The following GDA variants were observed in gnomAD, a reference collection of about 807,000 sequenced individuals.
GDA encodes the protein cytoplasmic PSD-95 interactor.
GDA carries 18 observed loss-of-function variants against 59.6 expected under a neutral mutation model. The observed-to-expected ratio is 0.30, with a 90% CI of 0.21 to 0.45. The LOEUF (loss-of-function observed/expected upper bound fraction) is 0.45. Among genes scored for constraint, GDA ranks in the 20% least tolerant of loss-of-function variants. The pLI is 1.00. For missense variants in GDA, 427 were observed against 552.3 expected (o/e 0.77, Z 2.27); for synonymous variants, 201 against 201.1 (o/e 1.00, Z 0.00).
intron 5 of GDA, among the ~76,000 whole-genome samples, chr9:72,216,992 T>C (rs1044459875): frequency 6.6e-6 from 1 of 152,092 alleles, no homozygotes; most frequent in Non-Finnish European, 1.5e-5. Flanking sequence ...AGCTATTAAC[T>C]AAATGGGCCC....
chr9:72,131,809 G>T (rs745442634), intron 1 of GDA, among the ~76,000 whole-genome samples: 15 of 152,198 alleles, frequency 9.9e-5, no homozygotes, highest in Non-Finnish European at 1.9e-4. Flanking sequence ...CGACTGCTAT[G>T]GGAGGAAAAG....
At chr9:72,174,483 T>C (rs1433633877) in intron 1 of GDA, among the ~76,000 whole-genome samples, 1 of 152,190 alleles carries the variant, frequency 6.6e-6, no homozygotes, top group African/African-American at 2.4e-5. Context: ...AAAGTTTAAG[T>C]GATTCAAATT....
intron 3 of GDA, among the ~76,000 whole-genome samples, chr9:72,204,378 G>A (rs1249151178): frequency 6.6e-6 from 1 of 151,854 alleles, no homozygotes; most frequent in Non-Finnish European, 1.5e-5. Flanking sequence ...AAGAAAATGA[G>A]TCATGATATC....
chr9:72,165,393 T>C (rs1182961644), intron 1 of GDA, among the ~76,000 whole-genome samples: 4 of 152,210 alleles, frequency 2.6e-5, no homozygotes, highest in Non-Finnish European at 5.9e-5. Flanking sequence ...TATTTTTGTT[T>C]GGAAGTACAG....
At chr9:72,227,886 G>A (rs1837791977) in intron 8 of GDA, 57 bp from the exon 9 acceptor site, 2 of 884,258 alleles carry the variant, frequency 2.3e-6, no homozygotes, top group Non-Finnish European at 3.8e-6. Context: ...TTGTGAGTGA[G>A]TACCCACTTA....
chr9:72,188,885 G>C (rs1832173302), intron 1 of GDA, among the ~76,000 whole-genome samples: 1 of 152,192 alleles, frequency 6.6e-6, no homozygotes, highest in South Asian at 2.1e-4. Context: ...GAAGACCTGT[G>C]TGCCCAGGAT....
Position 72,150,341 on chromosome 9 carries a change from GCA to G in GDA, c.123+675_123+676del, listed in dbSNP as rs796802920. ...CGTACACACACACACACACACGCAC[GCA>G]CACACACACACACACCATAGCCATT... is the stretch of plus-strand genomic sequence containing the variant. On this transcript the variant is annotated intron_variant, in intron 1 of 13. Transcript: ENST00000358399. 6.5e-3 allele frequency among the ~76,000 whole-genome samples: 971 copies of G among 148,320 alleles called. 10 individuals carry two copies. Among genetic ancestry groups the G allele is most frequent in the African/African-American group, 0.022 (905 of 40,602 alleles).
At position 72,149,598 on chromosome 9, in the gene GDA, C is replaced by T. The variant is rs1419757561; in HGVS notation, c.39C>T (p.Phe13=). The T allele has an allele frequency of 1.9e-6, 3 of 1,611,608 alleles. No homozygotes were observed. The highest frequency in any genetic ancestry group is 2.5e-6 in the Non-Finnish European group (3 of 1,179,108). The change falls in exon 1 of 14, where the codon TTC becomes TTT. Residue 13 remains phenylalanine (F), a synonymous_variant. Transcript: ENST00000358399. ...AGATGCCGCCCCTGGCGCACATCTT[C>T]CGAGGGACGTTCGTCCACTCCACCT... ...AAQMPPLAHI[F]RGTFVHSTWT...
At chr9:72,198,641 G>T (rs1031529873) in intron 2 of GDA, among the ~76,000 whole-genome samples, 5 of 151,514 alleles carry the variant, frequency 3.3e-5, no homozygotes, top group Non-Finnish European at 7.4e-5. Flanking sequence ...TTGTGCAATG[G>T]AACAGTCACT....
At chr9:72,245,035 A>ATT in intron 11 of GDA, 113 bp from the exon 12 acceptor site, 1 of 856,794 alleles carries the variant, frequency 1.2e-6, no homozygotes, top group Non-Finnish European at 1.8e-6. Flanking sequence ...TTAAGATACT[A>ATT]ATTTTTTTTT....
chr9:72,156,467 C>T lies in GDA; in HGVS notation c.123+6785C>T, dbSNP rs75079283. On this transcript the variant is annotated intron_variant, in intron 1 of 13. Coordinates refer to ENST00000358399, the MANE Select transcript of GDA (RefSeq NM_004293.5). ...ATGCTGTTGGTCCTGAGAAAGGAAA[C>T]TGGGCTAATCCCTTCCTTCTGAGGC... 8.0e-3 allele frequency among the ~76,000 whole-genome samples: 1,226 copies of T among 152,304 alleles called. 21 individuals carry two copies. The highest frequency in any genetic ancestry group is 0.028 in the African/African-American group (1,182 of 41,562).
chr9:72,150,335 ACG>A (rs781332859), intron 1 of GDA, among the ~76,000 whole-genome samples: 318 of 150,168 alleles, frequency 2.1e-3, no homozygotes, highest in African/African-American at 7.5e-3. Context: ...ACACACACAC[ACG>A]CACGCACACA....
At chr9:72,138,741 G>A (rs1338998958) in intron 1 of GDA, among the ~76,000 whole-genome samples, 2 of 152,188 alleles carry the variant, frequency 1.3e-5, no homozygotes, top group East Asian at 1.9e-4. Flanking sequence ...AAGGATAAGA[G>A]TCATGACTTT....
At chr9:72,118,244 C>T (rs1825529491) in intron 1 of GDA, among the ~76,000 whole-genome samples, 1 of 133,442 alleles carries the variant, frequency 7.5e-6, no homozygotes, top group African/African-American at 3.0e-5. Flanking sequence ...TGCACTCCAG[C>T]CTGGGCGACA....
At chr9:72,147,039 A>C (rs1334458870), upstream of GDA, among the ~76,000 whole-genome samples, 1 of 152,168 alleles carries the variant, frequency 6.6e-6, no homozygotes, top group Non-Finnish European at 1.5e-5. Context: ...TCATCCTATA[A>C]ACCACATAGT....
chr9:72,195,092 A>G (rs2131264678), intron 1 of GDA, among the ~76,000 whole-genome samples: 1 of 152,332 alleles, frequency 6.6e-6, no homozygotes, highest in East Asian at 1.9e-4. Flanking sequence ...ACCAAGTACC[A>G]TGACTGCTCA....
chr9:72,221,548 G>A (rs947134295), intron 6 of GDA, among the ~76,000 whole-genome samples: 3 of 152,170 alleles, frequency 2.0e-5, no homozygotes, highest in Non-Finnish European at 4.4e-5. Flanking sequence ...GATATCCATA[G>A]TTTCCTTTTT....
chr9:72,222,645 A>G (rs977340265), intron 6 of GDA, among the ~76,000 whole-genome samples: 3 of 151,818 alleles, frequency 2.0e-5, no homozygotes, highest in Non-Finnish European at 4.4e-5. Context: ...TCCCATGCCT[A>G]TGTCCTGAAT....
At chr9:72,116,925 C>A (rs1049378085) in intron 1 of GDA, among the ~76,000 whole-genome samples, 1 of 150,362 alleles carries the variant, frequency 6.7e-6, no homozygotes, top group African/African-American at 2.5e-5. Flanking sequence ...TCCCTCCCCC[C>A]TCCCACCACC....
Sources: allele counts gnomAD v4.1 joint callset (sites outside exome capture counted in the v4.1 genomes callset), GRCh38; gene constraint gnomAD v4.1.1; transcripts MANE v1.5; gene names NCBI Gene and HGNC (gene_info 2026-07-23, HGNC 2026-07-21).